The following KIF6 variants were observed in gnomAD, a reference collection of about 807,000 sequenced individuals.
KIF6 encodes kinesin family member 6.
A neutral mutation model predicts 112.7 loss-of-function variants in KIF6; 106 were observed. That is an observed-to-expected ratio of 0.94 (90% CI 0.80 to 1.11). The LOEUF (loss-of-function observed/expected upper bound fraction) is 1.11, where lower values mean the gene tolerates loss of function less well. Among genes scored for constraint, KIF6 ranks in the 50% least tolerant of loss-of-function variants. KIF6 has a pLI of 0.00. For synonymous variants in KIF6, 339 were observed against 339.9 expected (o/e 1.00, Z 0.03); for missense variants, 929 against 964.0 (o/e 0.96, Z 0.48).
chr6:39,556,574 C>G (rs902113023), intron 10 of KIF6, among the ~76,000 whole-genome samples: 1 of 152,092 alleles, frequency 6.6e-6, no homozygotes, highest in Non-Finnish European at 1.5e-5. Context: ...ACCAAAGCAG[C>G]CCCTCTGACC....
At chr6:39,546,038 T>A (rs776266965) in intron 10 of KIF6, among the ~76,000 whole-genome samples, 2 of 152,212 alleles carry the variant, frequency 1.3e-5, no homozygotes, top group Non-Finnish European at 2.9e-5. Context: ...TTAATTTCAC[T>A]AAAAATGCAT....
At chr6:39,658,640 G>GA (rs1251640424) in intron 3 of KIF6, among the ~76,000 whole-genome samples, 5 of 152,020 alleles carry the variant, frequency 3.3e-5, no homozygotes, top group African/African-American at 1.2e-4. Context: ...TCACATATAA[G>GA]AAAAAAAGCT....
chr6:39,567,829 G>C (rs1027569809), intron 10 of KIF6, among the ~76,000 whole-genome samples: 1 of 152,080 alleles, frequency 6.6e-6, no homozygotes, highest in East Asian at 1.9e-4. Flanking sequence ...GGATGGTCTC[G>C]ATCTCCTGAC....
chr6:39,385,756 G>GA (rs10655582), intron 15 of KIF6, 84 bp from the exon 16 acceptor site: 130,358 of 482,786 alleles, frequency 0.27, 4,128 homozygotes, highest in African/African-American at 0.39. Context: ...GCAAGCTACA[G>GA]AAAAAAAAAA....
chr6:39,616,798 G>A (rs182771112), intron 5 of KIF6, among the ~76,000 whole-genome samples: 54 of 152,314 alleles, frequency 3.5e-4, no homozygotes, highest in African/African-American at 1.3e-3. Context: ...GCCTGGGAGA[G>A]GTAGTTGCAG....
intron 14 of KIF6, among the ~76,000 whole-genome samples, chr6:39,430,306 A>G (rs999785104): frequency 1.3e-5 from 2 of 152,100 alleles, no homozygotes; most frequent in Non-Finnish European, 1.5e-5. Context: ...CTGAGTTGTC[A>G]TATGATTCTC....
chr6:39,370,463 A>G (rs892437218), intron 16 of KIF6, among the ~76,000 whole-genome samples: 13 of 152,128 alleles, frequency 8.5e-5, no homozygotes, highest in African/African-American at 3.1e-4. Context: ...CTTTTGGAAA[A>G]CATACCTGCT....
At chr6:39,394,377 T>A (rs541726038) in intron 15 of KIF6, among the ~76,000 whole-genome samples, 1 of 152,328 alleles carries the variant, frequency 6.6e-6, no homozygotes, top group Non-Finnish European at 1.5e-5. Context: ...TGTGATGTCA[T>A]CTGCCATGTG....
intron 3 of KIF6, among the ~76,000 whole-genome samples, chr6:39,663,507 T>C (rs1440252020): frequency 6.6e-6 from 1 of 152,056 alleles, no homozygotes; most frequent in Non-Finnish European, 1.5e-5. Context: ...CAGTTGCAGG[T>C]GGGAACTGGG....
At chr6:39,578,308 G>A (rs1466563402) in intron 9 of KIF6, 149 bp from the exon 10 acceptor site, 1 of 527,888 alleles carries the variant, frequency 1.9e-6, no homozygotes, top group Non-Finnish European at 3.4e-6. Flanking sequence ...AAATCTTAAC[G>A]TTTTGTCAAA....
At chr6:39,534,445 T>A (rs1778281523) in intron 13 of KIF6, among the ~76,000 whole-genome samples, 1 of 152,114 alleles carries the variant, frequency 6.6e-6, no homozygotes, top group African/African-American at 2.4e-5. Context: ...TGCAATCAAC[T>A]GGAAGAAAGA....
intron 5 of KIF6, among the ~76,000 whole-genome samples, chr6:39,618,894 G>A (rs1219905227): frequency 6.6e-6 from 1 of 152,144 alleles, no homozygotes; most frequent in Admixed American, 6.6e-5. Flanking sequence ...CTGAACCAAT[G>A]TATGCCTTTC....
At chr6:39,721,815 T>TG (rs1790236797) in intron 1 of KIF6, among the ~76,000 whole-genome samples, 1 of 151,516 alleles carries the variant, frequency 6.6e-6, no homozygotes, top group Non-Finnish European at 1.5e-5. Flanking sequence ...AAAGGTTTTT[T>TG]TTTTTTTTTT....
intron 5 of KIF6, among the ~76,000 whole-genome samples, chr6:39,615,594 T>A (rs1234570371): frequency 6.6e-6 from 1 of 151,946 alleles, no homozygotes; most frequent in Non-Finnish European, 1.5e-5. Flanking sequence ...TATTAGAATT[T>A]GTAAAAGTCC....
At chr6:39,537,124 A>C (rs1158720888) in intron 13 of KIF6, among the ~76,000 whole-genome samples, 7 of 152,192 alleles carry the variant, frequency 4.6e-5, no homozygotes, top group Non-Finnish European at 1.0e-4. Context: ...GAATGGGCAA[A>C]AACTGGAAGC....
At chr6:39,540,955 C>T (rs553116550) in intron 12 of KIF6, among the ~76,000 whole-genome samples, 44 of 152,310 alleles carry the variant, frequency 2.9e-4, no homozygotes, top group Non-Finnish European at 6.0e-4. Context: ...ATTCTGTGTT[C>T]ACGATGCCTA....
intron 5 of KIF6, among the ~76,000 whole-genome samples, chr6:39,620,120 T>G (rs1783734788): frequency 6.6e-6 from 1 of 152,254 alleles, no homozygotes; most frequent in Non-Finnish European, 1.5e-5. Flanking sequence ...CTAGTATTCC[T>G]TGCTAATTTC....
chr6:39,348,711 G>A (rs2113926231), intron 19 of KIF6, among the ~76,000 whole-genome samples: 1 of 152,212 alleles, frequency 6.6e-6, no homozygotes, highest in Admixed American at 6.5e-5. Context: ...GCCAATCAGA[G>A]TGTTTAGTGG....
intron 19 of KIF6, among the ~76,000 whole-genome samples, chr6:39,353,282 G>GT (rs1562121909): frequency 6.6e-6 from 1 of 152,132 alleles, no homozygotes; most frequent in Non-Finnish European, 1.5e-5. Context: ...GTATGTAGTG[G>GT]TATCTCATTG....
Sources: gnomAD v4.1 joint callset for allele counts (sites outside exome capture counted in the v4.1 genomes callset) on GRCh38, gnomAD v4.1.1 for gene constraint, MANE v1.5 for transcripts, NCBI Gene and HGNC (gene_info 2026-07-23, HGNC 2026-07-21) for gene names.